The following GABRG3 variants were observed in gnomAD, a reference collection of about 807,000 sequenced individuals.
GABRG3 encodes gamma-aminobutyric acid type A receptor subunit gamma3.
GABRG3 carries 25 observed loss-of-function variants against 48.8 expected under a neutral mutation model. That is an observed-to-expected ratio of 0.51 (90% confidence interval 0.37 to 0.72). The LOEUF (loss-of-function observed/expected upper bound fraction) is 0.72. Ranked by LOEUF, GABRG3 falls within the 30% of genes least tolerant of loss-of-function variation. The probability of loss-of-function intolerance (pLI) is 0.00; values close to 1 mark genes in which losing one functional copy is unlikely to be tolerated. For synonymous variants in GABRG3, 227 were observed against 217.6 expected, an observed-to-expected ratio of 1.04 and a Z score of -0.38; for missense variants, 394 against 577.9, an observed-to-expected ratio of 0.68 and a Z score of 3.26.
intron 3 of GABRG3, among the ~76,000 whole-genome samples, chr15:27,251,313 C>G (rs1379549489): frequency 6.6e-6 from 1 of 152,110 alleles, no homozygotes; most frequent in Non-Finnish European, 1.5e-5. Flanking sequence ...TCCCAAGCAA[C>G]AGACACCTGA....
Position 27,180,102 on chromosome 15 carries a change from G to A in GABRG3, c.271-146707G>A, listed in dbSNP as rs208128. On this transcript the variant is annotated intron_variant, in intron 3 of 9. Transcript: ENST00000615808. The surrounding 1 kb of genome is among the most constrained non-coding windows in gnomAD (Gnocchi z 4.2). ...CCTTCCCCAGGAGACTGTGGGGCTC[G>A]TTGCACTTGTTTTACCAATCACAGA... 0.65 allele frequency among the ~76,000 whole-genome samples: 98,974 copies of A among 152,028 alleles called. 33,141 individuals carry two copies. Among genetic ancestry groups the A allele is most frequent in the East Asian group, 0.97 (4,986 of 5,146 alleles).
chr15:27,266,877 C>G (rs918041270), intron 3 of GABRG3, among the ~76,000 whole-genome samples: 1 of 151,942 alleles, frequency 6.6e-6, no homozygotes, highest in African/African-American at 2.4e-5. Flanking sequence ...GATATTGTAT[C>G]CTGAAACTTT....
intron 2 of GABRG3, among the ~76,000 whole-genome samples, chr15:26,987,298 T>C (rs759038703): frequency 4.6e-5 from 7 of 152,200 alleles, no homozygotes; most frequent in Non-Finnish European, 8.8e-5. Context: ...CTGTTTCGGG[T>C]TGGTTTATGA....
intron 6 of GABRG3, among the ~76,000 whole-genome samples, chr15:27,498,626 G>T (rs1282355386): frequency 2.0e-5 from 3 of 152,022 alleles, no homozygotes; most frequent in Non-Finnish European, 4.4e-5. Context: ...CTCCTGCTGG[G>T]ACTACAGGTG....
intron 5 of GABRG3, among the ~76,000 whole-genome samples, chr15:27,474,436 G>A (rs1029814629): frequency 2.0e-5 from 3 of 152,036 alleles, no homozygotes; most frequent in African/African-American, 7.2e-5. Flanking sequence ...TACCAAGAGA[G>A]GAAACAAATG....
chr15:27,533,197 A>T lies in GABRG3; in HGVS notation c.*316A>T, dbSNP rs1040839858. 3.1e-5 allele frequency: 9 copies of T among 288,680 alleles called. No homozygotes were observed. The highest frequency in any genetic ancestry group is 9.7e-5 in the Admixed American group (2 of 20,550). The allele number at this position is 288,680 out of a possible 1,614,324, so 17.9% of individuals were successfully genotyped here. A position where few individuals can be genotyped will look rare whatever the true frequency, so the allele number is the denominator to read the frequency against. On this transcript the variant is annotated 3_prime_UTR_variant, in exon 10 of 10. Coordinates refer to ENST00000615808, the MANE Select transcript of GABRG3 (RefSeq NM_033223.5). ...GCAGCCGCTGATTACCCTTGCAAAGAAATCTGTAAAATGTGCACGTGAATG... is the reference window on the plus strand; with the variant it reads ...GCAGCCGCTGATTACCCTTGCAAAGTAATCTGTAAAATGTGCACGTGAATG...
chr15:27,195,896 A>G (rs1888482099), intron 3 of GABRG3, among the ~76,000 whole-genome samples: 1 of 152,150 alleles, frequency 6.6e-6, no homozygotes, highest in South Asian at 2.1e-4. Context: ...CAGCCTCCCA[A>G]GGTGCTGGGA....
chr15:27,103,947 T>G (rs1485519868), intron 3 of GABRG3, among the ~76,000 whole-genome samples: 1 of 152,240 alleles, frequency 6.6e-6, no homozygotes, highest in Non-Finnish European at 1.5e-5. Flanking sequence ...GGTGAGGATT[T>G]TCTTTAATAA....
chr15:27,308,167 T>TATGTTTATACACCCAAACATATATAAAC (rs1566773254), intron 3 of GABRG3, among the ~76,000 whole-genome samples: 1 of 21,282 alleles, frequency 4.7e-5, no homozygotes, highest in South Asian at 2.5e-3. Flanking sequence ...TATAAACATA[T>TATGTTTATACACCCAAACATATATAAAC]ATGTTTATAT....
At chr15:27,125,931 A>T (rs1362358049) in intron 3 of GABRG3, among the ~76,000 whole-genome samples, 1 of 152,264 alleles carries the variant, frequency 6.6e-6, no homozygotes, top group African/African-American at 2.4e-5. Context: ...ATGAGGGCAG[A>T]TAATATGATC....
intron 3 of GABRG3, among the ~76,000 whole-genome samples, chr15:27,090,586 A>C (rs1173409726): frequency 6.6e-6 from 1 of 152,066 alleles, no homozygotes; most frequent in African/African-American, 2.4e-5. Context: ...AGTGGCTGTG[A>C]GGAGGTATGT....
At chr15:27,377,666 C>T (rs1042357373) in intron 5 of GABRG3, among the ~76,000 whole-genome samples, 3 of 152,198 alleles carry the variant, frequency 2.0e-5, no homozygotes, top group Non-Finnish European at 4.4e-5. Context: ...CACTGGGTCC[C>T]TCCTACAACA....
chr15:27,218,189 TA>T (rs1889329156), intron 3 of GABRG3, among the ~76,000 whole-genome samples: 1 of 152,030 alleles, frequency 6.6e-6, no homozygotes, highest in South Asian at 2.1e-4. Context: ...AATTTTTTTT[TA>T]ATGTTTAATA....
At chr15:27,004,213 G>A (rs1374838630) in intron 2 of GABRG3, among the ~76,000 whole-genome samples, 1 of 149,398 alleles carries the variant, frequency 6.7e-6, no homozygotes, top group Admixed American at 6.6e-5. Context: ...CGGGCGGAGG[G>A]GCTCCTCACT....
chr15:27,095,691 GT>G (rs1897257447), intron 3 of GABRG3, among the ~76,000 whole-genome samples: 1 of 152,056 alleles, frequency 6.6e-6, no homozygotes, highest in South Asian at 2.1e-4. Context: ...CTAAACTTAG[GT>G]TTTTCTCTTT....
intron 6 of GABRG3, among the ~76,000 whole-genome samples, chr15:27,504,044 T>C (rs1466390953): frequency 6.6e-6 from 1 of 152,142 alleles, no homozygotes; most frequent in African/African-American, 2.4e-5. Flanking sequence ...CTTTTACTTT[T>C]AATCTATTAT....
chr15:27,405,330 G>A lies in GABRG3; in HGVS notation c.575-75320G>A, dbSNP rs150143423. ...TCAGTAGATAATGATATGTTGCTCA[G>A]CCTCATTTGTTATTAAAGAAATAAT... is the stretch of plus-strand genomic sequence containing the variant. On this transcript the variant is annotated intron_variant, in intron 5 of 9. Transcript: ENST00000615808. Among the ~76,000 whole-genome samples, 27 of 152,240 alleles carry A rather than the reference G, an allele frequency of 1.8e-4. 1 individual carries two copies. The highest frequency in any genetic ancestry group is 6.8e-3 in the Middle Eastern group (2 of 294).
chr15:27,056,419 G>A (rs1238121983), intron 3 of GABRG3, among the ~76,000 whole-genome samples: 1 of 151,490 alleles, frequency 6.6e-6, no homozygotes, highest in Non-Finnish European at 1.5e-5. Context: ...TATTGAACCC[G>A]TTGTTTGAGT....
chr15:27,024,036 T>C (rs1406674378), intron 2 of GABRG3, among the ~76,000 whole-genome samples: 1 of 152,168 alleles, frequency 6.6e-6, no homozygotes, highest in Non-Finnish European at 1.5e-5. Flanking sequence ...GTGAGTGTTA[T>C]TTTGTGGTTT....
Sources: allele counts gnomAD v4.1 joint callset (sites outside exome capture counted in the v4.1 genomes callset), GRCh38; gene constraint gnomAD v4.1.1; non-coding constraint Gnocchi (gnomAD v3.1); transcripts MANE v1.5; gene names NCBI Gene and HGNC (gene_info 2026-07-23, HGNC 2026-07-21).